ARB2A: variants seen among roughly 807,000 people sequenced by gnomAD.
The protein encoded by ARB2A is ARB2 cotranscriptional regulator A, also known as cotranscriptional regulator ARB2A.
At chr5:93,831,490 T>C in the ARB2A span, among the ~76,000 whole-genome samples, 5 of 152,116 alleles carry the variant, frequency 3.3e-5, no homozygotes, top group African/African-American at 1.2e-4. Flanking sequence ...AACTCAGTCA[T>C]GCAACTCAGT....
At chr5:94,066,786 A>C in the ARB2A span, among the ~76,000 whole-genome samples, 2 of 152,180 alleles carry the variant, frequency 1.3e-5, no homozygotes, top group Non-Finnish European at 2.9e-5. Context: ...TTTCTCCTCA[A>C]ACTATTCCAA....
chr5:94,070,895 T>C, the ARB2A span, among the ~76,000 whole-genome samples: 337 of 152,190 alleles, frequency 2.2e-3, no homozygotes, highest in African/African-American at 7.7e-3. Flanking sequence ...TCAATATTAA[T>C]TGCTGATAAA....
chr5:93,839,347 CAT>C, the ARB2A span, among the ~76,000 whole-genome samples: 3 of 152,092 alleles, frequency 2.0e-5, no homozygotes, highest in Non-Finnish European at 4.4e-5. Context: ...CACTGATTTG[CAT>C]ATGTTGAACC....
At chr5:93,860,649 C>CCT in the ARB2A span, 4 of 136,434 alleles carry the variant, frequency 2.9e-5, no homozygotes, top group East Asian at 8.7e-4. Flanking sequence ...TTGTTTCTTT[C>CCT]TTTTTTTTTT....
the ARB2A span, among the ~76,000 whole-genome samples, chr5:93,718,546 T>C: frequency 1.3e-5 from 2 of 152,174 alleles, no homozygotes; most frequent in African/African-American, 4.8e-5. Context: ...AATCATAATG[T>C]AATGTATGTT....
chr5:94,067,758 T>G, the ARB2A span, among the ~76,000 whole-genome samples: 1 of 152,126 alleles, frequency 6.6e-6, no homozygotes, highest in Non-Finnish European at 1.5e-5. Context: ...AACCTACAGA[T>G]TCAACGCAAT....
chr5:94,098,456 A>T, the ARB2A span, among the ~76,000 whole-genome samples: 3 of 152,232 alleles, frequency 2.0e-5, no homozygotes, highest in Non-Finnish European at 4.4e-5. Context: ...GATAGAACAT[A>T]CCAGAATCAC....
the ARB2A span, among the ~76,000 whole-genome samples, chr5:93,674,772 CTG>C: frequency 6.6e-6 from 1 of 152,160 alleles, no homozygotes; most frequent in Non-Finnish European, 1.5e-5. Context: ...TTTTTACAAA[CTG>C]TGTGTTCAGC....
At chr5:93,621,361 C>T in the ARB2A span, among the ~76,000 whole-genome samples, 1 of 152,130 alleles carries the variant, frequency 6.6e-6, no homozygotes, top group Admixed American at 6.5e-5. Context: ...TGCGGGGTCA[C>T]TTGCCCCCTG....
the ARB2A span, among the ~76,000 whole-genome samples, chr5:93,971,688 A>T: frequency 6.6e-6 from 1 of 152,110 alleles, no homozygotes; most frequent in Admixed American, 6.6e-5. Flanking sequence ...ATAAAAATAC[A>T]ATTTAAAATC....
chr5:94,074,475 C>T, the ARB2A span, among the ~76,000 whole-genome samples: 1 of 152,028 alleles, frequency 6.6e-6, no homozygotes, highest in Non-Finnish European at 1.5e-5. Context: ...TTACTGAGTA[C>T]ATACATCTCA....
At chr5:93,882,324 A>G in the ARB2A span, among the ~76,000 whole-genome samples, 5 of 151,424 alleles carry the variant, frequency 3.3e-5, no homozygotes, top group African/African-American at 1.2e-4. Context: ...TAGCAAAATA[A>G]GCCACTGTCT....
chr5:93,720,844 T>C, the ARB2A span, among the ~76,000 whole-genome samples: 1 of 152,242 alleles, frequency 6.6e-6, no homozygotes, highest in Admixed American at 6.5e-5. Context: ...TACTTTTTAC[T>C]TTGTTAAAAG....
the ARB2A span, among the ~76,000 whole-genome samples, chr5:94,083,712 GAAAAT>G: frequency 1.3e-5 from 2 of 150,464 alleles, no homozygotes; most frequent in African/African-American, 4.9e-5. Context: ...GTAGGACACT[GAAAAT>G]AAATAAAAAC....
At chr5:93,901,958 G>A in the ARB2A span, among the ~76,000 whole-genome samples, 11 of 152,024 alleles carry the variant, frequency 7.2e-5, no homozygotes, top group Admixed American at 7.2e-4. Flanking sequence ...AACTAGTTAA[G>A]TGTTTTAACT....
At chr5:93,995,363 T>C in the ARB2A span, among the ~76,000 whole-genome samples, 1 of 152,200 alleles carries the variant, frequency 6.6e-6, no homozygotes, top group Non-Finnish European at 1.5e-5. Flanking sequence ...ACTGTAAACC[T>C]TGAATAATAC....
At chr5:93,796,372 T>C in the ARB2A span, among the ~76,000 whole-genome samples, 2 of 152,194 alleles carry the variant, frequency 1.3e-5, no homozygotes, top group Non-Finnish European at 2.9e-5. Flanking sequence ...ACTAATGTGA[T>C]TGGCCTATAT....
At chr5:93,765,323 A>T in the ARB2A span, among the ~76,000 whole-genome samples, 4 of 152,344 alleles carry the variant, frequency 2.6e-5, no homozygotes, top group South Asian at 6.2e-4. Flanking sequence ...AATCTCCTTA[A>T]GCTGATAGGC....
the ARB2A span, among the ~76,000 whole-genome samples, chr5:93,961,709 A>T: frequency 5.9e-5 from 9 of 152,104 alleles, no homozygotes; most frequent in African/African-American, 2.2e-4. Context: ...GGAAAAGGGA[A>T]TCACATTTTA....
Sources: gnomAD v4.1 joint callset for allele counts (sites outside exome capture counted in the v4.1 genomes callset) on GRCh38, gnomAD v4.1.1 for gene constraint, MANE v1.5 for transcripts, NCBI Gene and HGNC (gene_info 2026-07-23, HGNC 2026-07-21) for gene names.